BMERB1: variants seen among roughly 807,000 people sequenced by gnomAD.
The protein encoded by BMERB1 is bMERB domain-containing protein 1.
Under a neutral mutation model 23.6 loss-of-function variants are expected in BMERB1, and 12 were observed. The ratio of observed to expected loss-of-function variants is 0.51; its 90% CI spans 0.33 to 0.82. BMERB1 has a LOEUF of 0.82. Among genes scored for constraint, BMERB1 ranks in the 40% least tolerant of loss-of-function variants. BMERB1 has a pLI of 0.03. For synonymous variants in BMERB1, 122 were observed against 96.6 expected (o/e 1.26, Z -1.54); for missense variants, 247 against 255.4 (o/e 0.97, Z 0.22).
intron 1 of BMERB1, among the ~76,000 whole-genome samples, chr16:15,485,968 G>T (rs2051365175): frequency 6.6e-6 from 1 of 152,186 alleles, no homozygotes; most frequent in Non-Finnish European, 1.5e-5. Context: ...TTGGCCAGGT[G>T]TAGTGGCTCA....
intron 3 of BMERB1, among the ~76,000 whole-genome samples, chr16:15,570,417 G>A (rs1042588305): frequency 2.0e-5 from 3 of 152,158 alleles, no homozygotes; most frequent in East Asian, 1.9e-4. Flanking sequence ...GTTGACAAAT[G>A]TCAGTATCTT....
At chr16:15,537,311 G>A (rs1328288293) in intron 2 of BMERB1, among the ~76,000 whole-genome samples, 1 of 151,556 alleles carries the variant, frequency 6.6e-6, no homozygotes, top group African/African-American at 2.4e-5. Flanking sequence ...AAGAAATCAA[G>A]TGAGCTGGCC....
rs576168474 is a variant in BMERB1, at chr16:15,498,236, T to TA, written c.107-17062dup. Among the ~76,000 whole-genome samples, 818 of 151,938 alleles carry TA rather than the reference T, an allele frequency of 5.4e-3. 4 individuals are homozygous for TA. The highest frequency in any genetic ancestry group is 0.018 in the African/African-American group (763 of 41,426). Reference sequence around the variant, plus strand: ...TCATACCTGTGCCCTGGGAGCACAATAAAAAAACTCTGGGTTTAGGCTGTG... The same window carrying TA: ...TCATACCTGTGCCCTGGGAGCACAATAAAAAAAACTCTGGGTTTAGGCTGTG... On this transcript the variant is annotated intron_variant, in intron 1 of 5. Coordinates refer to ENST00000300006, the MANE Select transcript of BMERB1 (RefSeq NM_033201.3).
At chr16:15,559,522 A>G (rs1032999728) in intron 2 of BMERB1, among the ~76,000 whole-genome samples, 3 of 152,242 alleles carry the variant, frequency 2.0e-5, no homozygotes, top group African/African-American at 4.8e-5. Context: ...CATCTGTAAA[A>G]TAGAGCTAAA....
chr16:15,463,593 CTG>C (rs2051155306), intron 1 of BMERB1, among the ~76,000 whole-genome samples: 1 of 152,170 alleles, frequency 6.6e-6, no homozygotes, highest in Non-Finnish European at 1.5e-5. Context: ...CACTCTGAGA[CTG>C]TAGCTTTCAC....
rs187430409 is a variant in BMERB1, at chr16:15,584,868, C to T, written c.502+1630C>T. ...TAAGTCTCAGGGAAATATTCTCACC[C>T]GCCCTTCTGGGATTATGTTCCCACC... On this transcript the variant is annotated intron_variant, in intron 5 of 5. Coordinates refer to ENST00000300006, the MANE Select transcript of BMERB1 (RefSeq NM_033201.3). 2.0e-4 allele frequency among the ~76,000 whole-genome samples: 31 copies of T among 152,280 alleles called. No individual in the cohort carries two copies. The East Asian group carries it at 3.9e-3, about 19-fold the overall frequency.
intron 1 of BMERB1, among the ~76,000 whole-genome samples, chr16:15,439,818 C>A (rs770082019): frequency 2.0e-5 from 3 of 152,126 alleles, no homozygotes; most frequent in Non-Finnish European, 4.4e-5. Context: ...AAGCGCAGAG[C>A]TTTTCAGAAA....
At chr16:15,466,489 G>A (rs78127633) in intron 1 of BMERB1, among the ~76,000 whole-genome samples, 116 of 151,750 alleles carry the variant, frequency 7.6e-4, no homozygotes, top group African/African-American at 2.7e-3. Context: ...GTATGTTTGT[G>A]TATTATAAAT....
chr16:15,502,369 A>T (rs1190552738), intron 1 of BMERB1: 1 of 1,550,570 alleles, frequency 6.4e-7, no homozygotes, highest in East Asian at 2.4e-5. Flanking sequence ...GGCGGAGTGC[A>T]AAGAAAGGTA....
chr16:15,554,340 CAT>C (rs2030183338), intron 2 of BMERB1, among the ~76,000 whole-genome samples: 1 of 152,280 alleles, frequency 6.6e-6, no homozygotes, highest in African/African-American at 2.4e-5. Flanking sequence ...GTCCTTACCT[CAT>C]AGAGTTGCTG....
chr16:15,471,939 CAT>C (rs1360590398), intron 1 of BMERB1, among the ~76,000 whole-genome samples: 1 of 152,186 alleles, frequency 6.6e-6, no homozygotes, highest in African/African-American at 2.4e-5. Context: ...CTCTGTATCA[CAT>C]ATGTTTTGAT....
At chr16:15,515,531 G>T in intron 2 of BMERB1, 103 bp downstream of exon 2, 2 of 1,424,534 alleles carry the variant, frequency 1.4e-6, no homozygotes, top group Non-Finnish European at 1.8e-6. Context: ...TGAGATAAAG[G>T]CATTATGCAC....
intron 3 of BMERB1, among the ~76,000 whole-genome samples, chr16:15,571,995 G>A (rs9931413): frequency 0.082 from 12,461 of 152,026 alleles, 1,537 homozygotes; most frequent in African/African-American, 0.27. Context: ...TCCTATTGCT[G>A]CCTGTGTCTC....
chr16:15,475,435 C>G (rs1425939542), intron 1 of BMERB1, among the ~76,000 whole-genome samples: 2 of 152,180 alleles, frequency 1.3e-5, no homozygotes, highest in African/African-American at 4.8e-5. Context: ...TCCCTGAAAG[C>G]TGTTGTACTC....
In BMERB1 at chr16:15,437,423, G is replaced by T. The variant is rs540866195; in HGVS notation, c.106+2664G>T. ...GTACTCAAGGTTAAGTGCTCAATACGTATTGTTCACTTCCATTCGGTTACT... is the reference window on the plus strand; with the variant it reads ...GTACTCAAGGTTAAGTGCTCAATACTTATTGTTCACTTCCATTCGGTTACT... On this transcript the variant is annotated intron_variant, in intron 1 of 5. Transcript: ENST00000300006. 2.4e-3 allele frequency among the ~76,000 whole-genome samples: 372 copies of T among 152,216 alleles called. 5 individuals carry two copies. Among genetic ancestry groups the T allele is most frequent in the African/African-American group, 8.6e-3 (359 of 41,534 alleles).
intron 1 of BMERB1, among the ~76,000 whole-genome samples, chr16:15,459,582 T>C (rs2051118323): frequency 6.6e-6 from 1 of 152,170 alleles, no homozygotes; most frequent in Non-Finnish European, 1.5e-5. Context: ...TATATATGTG[T>C]CCAATAACAA....
In BMERB1 at chr16:15,583,227, A is replaced by G. The variant is rs563532455; in HGVS notation, c.491A>G (p.Lys164Arg). The G allele has an allele frequency of 8.1e-6, 13 of 1,609,026 alleles. No homozygotes were observed. The highest frequency in any genetic ancestry group is 5.0e-5 in the Admixed American group (3 of 59,984). Residue 164 changes from lysine (K) to arginine (R), a missense_variant, in exon 5 of 6, where the codon AAA becomes AGA. Physicochemically the swap from Lys to Arg is conservative, Grantham distance 26. Transcript: ENST00000300006. ...IKLKPLDKVT[K>R]SPASSRAEKK... ...TTAAAACCTCTAGACAAAGTAACCAAATCTCCAGCCAGTGAGTATATACAT... is the reference window on the plus strand; with the variant it reads ...TTAAAACCTCTAGACAAAGTAACCAGATCTCCAGCCAGTGAGTATATACAT...
At chr16:15,443,359 G>A (rs1257620900) in intron 1 of BMERB1, among the ~76,000 whole-genome samples, 1 of 147,768 alleles carries the variant, frequency 6.8e-6, no homozygotes, top group Non-Finnish European at 1.5e-5. Context: ...TTTGAGACCA[G>A]CCTGGGCAAT....
chr16:15,482,690 A>G (rs970335408), intron 1 of BMERB1, among the ~76,000 whole-genome samples: 32 of 152,238 alleles, frequency 2.1e-4, no homozygotes, highest in African/African-American at 7.7e-4. Flanking sequence ...GCTGCCGTGT[A>G]GGATTCTCCC....
Sources: gnomAD v4.1 joint callset for allele counts (sites outside exome capture counted in the v4.1 genomes callset) on GRCh38, gnomAD v4.1.1 for gene constraint, MANE v1.5 for transcripts, NCBI Gene and HGNC (gene_info 2026-07-23, HGNC 2026-07-21) for gene names.